The following ZNF710 variants were observed in gnomAD, a reference collection of about 807,000 sequenced individuals.
The protein encoded by ZNF710 is zinc finger protein 710.
ZNF710 carries 13 observed loss-of-function variants against 50.6 expected under a neutral mutation model. The ratio of observed to expected loss-of-function variants is 0.26; its 90% CI spans 0.17 to 0.41. The LOEUF (loss-of-function observed/expected upper bound fraction) is 0.41, where lower values mean the gene tolerates loss of function less well. ZNF710 is among the 10% of genes least tolerant of loss of function. The pLI is 1.00. For synonymous variants in ZNF710, 383 were observed against 397.0 expected (o/e 0.96, Z 0.42); for missense variants, 721 against 936.6 (o/e 0.77, Z 3.01).
At chr15:90,032,267 G>A (rs1898971406) in intron 1 of ZNF710, among the ~76,000 whole-genome samples, 3 of 152,078 alleles carry the variant, frequency 2.0e-5, no homozygotes, top group Admixed American at 2.0e-4. Flanking sequence ...CAAAGTGCTG[G>A]GATTATAGGC....
At chr15:90,035,472 C>A (rs887409496) in intron 1 of ZNF710, among the ~76,000 whole-genome samples, 7 of 152,246 alleles carry the variant, frequency 4.6e-5, no homozygotes, top group African/African-American at 1.7e-4. Flanking sequence ...TATTAGCAGG[C>A]TGGCTTTCGG....
intron 1 of ZNF710, among the ~76,000 whole-genome samples, chr15:90,066,004 T>C (rs1900159025): frequency 6.6e-6 from 1 of 152,352 alleles, no homozygotes; most frequent in African/African-American, 2.4e-5. Context: ...ACATGTTAGC[T>C]GTCAAGGAGC....
intron 1 of ZNF710, among the ~76,000 whole-genome samples, chr15:90,004,348 G>A (rs1898085682): frequency 1.3e-5 from 2 of 152,184 alleles, no homozygotes; most frequent in African/African-American, 4.8e-5. Context: ...AATAAATAAA[G>A]GAGGAGTCCA....
chr15:90,022,103 T>C lies in ZNF710; in HGVS notation c.-29+20489T>C, dbSNP rs111921336. 2.8e-3 allele frequency among the ~76,000 whole-genome samples: 422 copies of C among 150,190 alleles called. 3 individuals carry two copies. The highest frequency in any genetic ancestry group is 9.6e-3 in the African/African-American group (390 of 40,764). ...TCTCAAAAAACAAAACAAGGCTGGG[T>C]ACAGTGGCTCACGCCTGTAATCCCA... On this transcript the variant is annotated intron_variant, in intron 1 of 4. Coordinates refer to ENST00000268154, the MANE Select transcript of ZNF710 (RefSeq NM_198526.4).
chr15:90,012,290 ATTTTT>A (rs1026567607), intron 1 of ZNF710, among the ~76,000 whole-genome samples: 1 of 94,522 alleles, frequency 1.1e-5, no homozygotes, highest in Non-Finnish European at 1.9e-5. Flanking sequence ...TTGAGTGTGC[ATTTTT>A]TTTTTTTTTT....
intron 1 of ZNF710, among the ~76,000 whole-genome samples, chr15:90,038,055 T>C (rs1899183005): frequency 1.3e-5 from 2 of 152,198 alleles, no homozygotes; most frequent in Admixed American, 6.5e-5. Context: ...GGTACTGATT[T>C]CCCCTCGACC....
intron 1 of ZNF710, among the ~76,000 whole-genome samples, chr15:90,052,041 C>T (rs1365605264): frequency 2.6e-5 from 4 of 152,114 alleles, no homozygotes; most frequent in East Asian, 1.9e-4. Flanking sequence ...ATTTCCTCCC[C>T]ACCTCTGCTG....
In ZNF710 at chr15:90,067,513, G is replaced by C; in HGVS notation, c.376G>C (p.Val126Leu). The change falls in exon 2 of 5, where the codon GTG (valine) becomes CTG (leucine). Residue 126 changes from valine (V) to leucine (L), a missense_variant. Physicochemically the swap from Val to Leu is conservative, Grantham distance 32. This residue lies in a region of ZNF710 where 326 missense variants were observed against 347.1 expected (regional missense o/e 0.94). Transcript: ENST00000268154. The surrounding 1 kb of genome is among the most constrained non-coding windows in gnomAD (Gnocchi z 8.1). ...GGAACAGGAGGTCTATGAGGTTTCT[G>C]TGCCAGGTGACGACAAGGACGCAGG... ...EEEQEVYEVS[V>L]PGDDKDAGPA... The C allele has an allele frequency of 1.2e-6, 2 of 1,613,646 alleles. No homozygotes were observed. The highest frequency in any genetic ancestry group is 1.7e-6 in the Non-Finnish European group (2 of 1,179,754).
intron 1 of ZNF710, among the ~76,000 whole-genome samples, chr15:90,031,025 A>AAAAAC (rs1182606642): frequency 6.7e-6 from 1 of 150,260 alleles, no homozygotes; most frequent in African/African-American, 2.5e-5. Flanking sequence ...TCTCAAAAAA[A>AAAAAC]AAGAAAAAAA....
At chr15:90,041,825 C>G (rs1184354092) in intron 1 of ZNF710, among the ~76,000 whole-genome samples, 1 of 151,656 alleles carries the variant, frequency 6.6e-6, no homozygotes, top group Non-Finnish European at 1.5e-5. Flanking sequence ...CAAATGGAAG[C>G]ACAACAGTGA....
At position 90,040,597 on chromosome 15, in the gene ZNF710, T is replaced by C. The variant is rs911438635; in HGVS notation, c.-28-26513T>C. On this transcript the variant is annotated intron_variant, in intron 1 of 4. Transcript: ENST00000268154. The surrounding 1 kb of genome is among the most constrained non-coding windows in gnomAD (Gnocchi z 4.6). ...TCCTTTACCAAGCCTTTTTTGCTTG[T>C]TTGCTTGCTTTTAATTTTGTTTTTT... 2.0e-5 allele frequency among the ~76,000 whole-genome samples: 3 copies of C among 152,044 alleles called. No individual in the cohort carries two copies. Among genetic ancestry groups the C allele is most frequent in the Admixed American group, 6.6e-5 (1 of 15,258 alleles).
At chr15:90,019,970 G>A (rs1283691575) in intron 1 of ZNF710, among the ~76,000 whole-genome samples, 1 of 152,138 alleles carries the variant, frequency 6.6e-6, no homozygotes, top group Admixed American at 6.5e-5. Context: ...GTGAGTGGGG[G>A]AGCCGAGGAT....
chr15:90,055,930 C>T (rs1899800485), intron 1 of ZNF710, among the ~76,000 whole-genome samples: 1 of 151,772 alleles, frequency 6.6e-6, no homozygotes, highest in South Asian at 2.1e-4. Context: ...GCCTGGGAAA[C>T]ATGGTGAAAC....
chr15:90,073,604 G>A (rs1375787249), intron 3 of ZNF710, among the ~76,000 whole-genome samples: 2 of 152,156 alleles, frequency 1.3e-5, no homozygotes, highest in African/African-American at 4.8e-5. Flanking sequence ...AGACTCACAG[G>A]AGCAGTGACC....
At chr15:90,012,954 C>T (rs940582156) in intron 1 of ZNF710, among the ~76,000 whole-genome samples, 3 of 152,056 alleles carry the variant, frequency 2.0e-5, no homozygotes, top group East Asian at 1.9e-4. Flanking sequence ...ATATTAAACA[C>T]GTTTATTTTG....
rs1338951395 is a variant in ZNF710, at chr15:90,034,217, G to GAA, written c.-29+32606_-29+32607dup. Among the ~76,000 whole-genome samples the GAA allele has an allele frequency of 6.6e-6, 1 of 151,750 alleles. No individual in the cohort carries two copies. The highest frequency in any genetic ancestry group is 1.9e-4 in the East Asian group (1 of 5,174). On this transcript the variant is annotated intron_variant, in intron 1 of 4. Coordinates refer to ENST00000268154, the MANE Select transcript of ZNF710 (RefSeq NM_198526.4). This position sits in a 1 kb window ranked among gnomAD's most constrained non-coding sequence, Gnocchi z 4.0. ...TGTCTCAAAAAAAAAGAAAAGAAAA[G>GAA]AAAAGAAAAGAAAACAGGTGAACGA...
chr15:90,074,020 A>T, intron 3 of ZNF710, 96 bp from the exon 4 acceptor site: 1 of 1,371,302 alleles, frequency 7.3e-7, no homozygotes, highest in South Asian at 1.4e-5. Context: ...AAACAAAAGA[A>T]TAGGATTCTG....
At chr15:90,028,303 C>G (rs926464155) in intron 1 of ZNF710, among the ~76,000 whole-genome samples, 2 of 152,160 alleles carry the variant, frequency 1.3e-5, no homozygotes, top group Admixed American at 1.3e-4. Context: ...TTCAATAGTT[C>G]CGCATACAAA....
At chr15:90,063,396 T>G (rs988909877) in intron 1 of ZNF710, among the ~76,000 whole-genome samples, 2 of 151,974 alleles carry the variant, frequency 1.3e-5, no homozygotes, top group African/African-American at 4.8e-5. Flanking sequence ...TTCCTAGTAT[T>G]AAATGGCTGA....
Sources: allele counts gnomAD v4.1 joint callset (sites outside exome capture counted in the v4.1 genomes callset), GRCh38; gene constraint gnomAD v4.1.1; regional missense constraint gnomAD v4.1.1; non-coding constraint Gnocchi (gnomAD v3.1); transcripts MANE v1.5; gene names NCBI Gene and HGNC (gene_info 2026-07-23, HGNC 2026-07-21).